SYNRG: variants seen among roughly 807,000 people sequenced by gnomAD.
SYNRG encodes synergin gamma.
SYNRG carries 37 observed loss-of-function variants against 130.9 expected under a neutral mutation model. The observed-to-expected ratio is 0.28, with a 90% CI of 0.22 to 0.37. The LOEUF is 0.37. SYNRG is among the 10% of genes least tolerant of loss of function. SYNRG has a pLI of 1.00. For missense variants in SYNRG, 1,338 were observed against 1,588.9 expected, an observed-to-expected ratio of 0.84 and a Z score of 2.68; for synonymous variants, 539 against 568.1, an observed-to-expected ratio of 0.95 and a Z score of 0.73.
rs149417287 is a variant in SYNRG, at chr17:37,581,856, C to T, written c.589+2792G>A. ...CTCCGCTCACAGCAACCTCTGCCTC[C>T]TGGGTTCAAGAGATTCTCCTGCCTC... On this transcript the variant is annotated intron_variant, in intron 6 of 21. Coordinates refer to ENST00000612223, the MANE Select transcript of SYNRG (RefSeq NM_007247.6). Among the ~76,000 whole-genome samples the T allele has an allele frequency of 2.6e-3, 399 of 151,942 alleles. 2 individuals are homozygous for T. Among genetic ancestry groups the T allele is most frequent in the African/African-American group, 9.3e-3 (386 of 41,442 alleles).
rs753456133 is a variant in SYNRG at position 37,585,338 on chromosome 17, C to T, written c.464G>A (p.Ser155Asn). The change falls in exon 5 of 22, where the codon AGT becomes AAT. Residue 155 changes from serine to asparagine, a missense_variant. Transcript: ENST00000612223. ...TTGAAATACTACCTTGGGTTTCACA[C>T]TGCTCAAAAGTCTGAGCTTTTGCTT... ...EQKQKLRLLS[S>N]VKPKTGEKSR... is the part of the protein sequence containing the mutation. 6 of 1,613,510 alleles carry T rather than the reference C, an allele frequency of 3.7e-6. No homozygotes were observed. Among genetic ancestry groups the T allele is most frequent in the Non-Finnish European group, 5.1e-6 (6 of 1,179,850 alleles).
In SYNRG at chr17:37,520,519, A is replaced by G. The variant is rs748191829; in HGVS notation, c.3777+19T>C. ...TTAGGGAAGCCCTTTGCTGTCTGCA[A>G]GGAGGCTGCGTGACTTACCCGGCTC... On this transcript the variant is annotated intron_variant, in intron 20 of 21. Coordinates refer to ENST00000612223, the MANE Select transcript of SYNRG (RefSeq NM_007247.6). 5.2e-5 allele frequency: 84 copies of G among 1,609,944 alleles called. 1 individual carries two copies. In the South Asian group the frequency reaches 9.2e-4, roughly 18 times the overall value.
chr17:37,601,349 G>GT, intron 1 of SYNRG, among the ~76,000 whole-genome samples: 1 of 152,080 alleles, frequency 6.6e-6, no homozygotes, highest in Admixed American at 6.5e-5. Flanking sequence ...GATTACAGGT[G>GT]TGAGCCACCG....
rs2054445236 is a variant in SYNRG, at chr17:37,516,653, C to T, written c.*2287G>A. 6.7e-6 allele frequency: 1 copy of T among 149,798 alleles called. No homozygotes were observed. The highest frequency in any genetic ancestry group is 2.5e-5 in the African/African-American group (1 of 40,654). The allele number at this position is 149,798 out of a possible 1,614,324, so 9.3% of individuals were successfully genotyped here. A position where few individuals can be genotyped will look rare whatever the true frequency, so the allele number is the denominator to read the frequency against. ...AATGCTTCAGCAATACAAATTCAAA[C>T]TGGGAAACTTTTTTTTTTTTTTTTT... On this transcript the variant is annotated 3_prime_UTR_variant, in exon 22 of 22. Coordinates refer to ENST00000612223, the MANE Select transcript of SYNRG (RefSeq NM_007247.6).
At chr17:37,585,488 T>C (rs1157709210) in intron 4 of SYNRG, 58 bp from the exon 5 acceptor site, 8 of 1,200,148 alleles carry the variant, frequency 6.7e-6, no homozygotes, top group Non-Finnish European at 9.6e-6. Context: ...CTGTGTTTTA[T>C]ATTCAGATTT....
intron 7 of SYNRG, 27 bp from the exon 8 acceptor site, chr17:37,576,445 A>G (rs2060843482): frequency 6.3e-7 from 1 of 1,595,846 alleles, no homozygotes; most frequent in Non-Finnish European, 8.6e-7. Context: ...ATTAATGTAT[A>G]TAGTGGTCCA....
intron 1 of SYNRG, among the ~76,000 whole-genome samples, chr17:37,608,109 A>G (rs1243514045): frequency 3.3e-5 from 5 of 152,174 alleles, no homozygotes; most frequent in Non-Finnish European, 7.4e-5. Context: ...GGAGAGAACA[A>G]AAGAGAAAGC....
At position 37,586,562 on chromosome 17, in the gene SYNRG, G is replaced by T; in HGVS notation, c.241-13C>A. The T allele has an allele frequency of 6.2e-7, 1 of 1,613,256 alleles. No individual in the cohort carries two copies. The highest frequency in any genetic ancestry group is 8.5e-7 in the Non-Finnish European group (1 of 1,179,628). ...TTGGTATTCCTGCCTAGAAGAAACA[G>T]ACAAAGGCTTAAAAAACACAATTTA... On this transcript the variant is annotated splice_polypyrimidine_tract_variant and intron_variant, in intron 3 of 21. Transcript: ENST00000612223.
At chr17:37,563,526 TTTTA>T (rs1256056934) in intron 11 of SYNRG, among the ~76,000 whole-genome samples, 7 of 152,134 alleles carry the variant, frequency 4.6e-5, no homozygotes, top group Admixed American at 4.6e-4. Context: ...CTTTGTGAAC[TTTTA>T]TTTATTTATT....
At chr17:37,605,919 C>T (rs2063709247) in intron 1 of SYNRG, 1 of 985,414 alleles carries the variant, frequency 1.0e-6, no homozygotes, top group Non-Finnish European at 1.2e-6. Context: ...ATAAAGACTT[C>T]CTAATGGATC....
Position 37,584,765 on chromosome 17 carries a change from A to G in SYNRG, c.478-6T>C, listed in dbSNP as rs1305560273. ...TCTCTACTCTTCTCTCCTGTCTAAG[A>G]GACAACAAATATATGCGTATTTCTT... On this transcript the variant is annotated splice_region_variant and splice_polypyrimidine_tract_variant and intron_variant, in intron 5 of 21. Transcript: ENST00000612223. The G allele has an allele frequency of 6.2e-7, 1 of 1,602,298 alleles. No individual in the cohort carries two copies. Among genetic ancestry groups the G allele is most frequent in the Non-Finnish European group, 8.5e-7 (1 of 1,170,044 alleles).
chr17:37,606,655 A>C (rs1164533626), intron 1 of SYNRG, among the ~76,000 whole-genome samples: 1 of 151,886 alleles, frequency 6.6e-6, no homozygotes, highest in African/African-American at 2.4e-5. Context: ...TGATTAAAGA[A>C]AAAAAAAATT....
At chr17:37,585,303 A>C (rs1410644517) in intron 5 of SYNRG, 22 bp downstream of exon 5, 1 of 1,586,612 alleles carries the variant, frequency 6.3e-7, no homozygotes, top group South Asian at 1.1e-5. Flanking sequence ...GTTCTGGGTG[A>C]AGAGAAGTAT....
chr17:37,550,379 C>A (rs1295656714), intron 14 of SYNRG, among the ~76,000 whole-genome samples: 3 of 152,028 alleles, frequency 2.0e-5, no homozygotes, highest in African/African-American at 7.2e-5. Flanking sequence ...AAGTGTTTGA[C>A]GAAACAAAAC....
At position 37,604,964 on chromosome 17, in the gene SYNRG, C is replaced by T. The variant is rs117787219; in HGVS notation, c.77+4315G>A. ...TTATACGAGCTGGGTTTGTGGTGCT[C>T]CAAAACAATTACACTAGTAACATCA... is the stretch of plus-strand genomic sequence containing the variant. On this transcript the variant is annotated intron_variant, in intron 1 of 21. Transcript: ENST00000612223. 2.7e-3 allele frequency among the ~76,000 whole-genome samples: 409 copies of T among 152,110 alleles called. 4 individuals are homozygous for T. The highest frequency in any genetic ancestry group is 4.2e-3 in the Non-Finnish European group (284 of 67,996).
chr17:37,592,613 A>C (rs1036089147), intron 3 of SYNRG, among the ~76,000 whole-genome samples: 5 of 152,256 alleles, frequency 3.3e-5, no homozygotes, highest in African/African-American at 9.6e-5. Context: ...AACTACTGAT[A>C]CATGCAACAA....
At chr17:37,535,096 CTT>C (rs2057064642) in intron 19 of SYNRG, among the ~76,000 whole-genome samples, 1 of 151,936 alleles carries the variant, frequency 6.6e-6, no homozygotes, top group Non-Finnish European at 1.5e-5. Context: ...CGTTTACAAG[CTT>C]ATATATATGT....
chr17:37,603,989 C>A (rs891467261), intron 1 of SYNRG, among the ~76,000 whole-genome samples: 32 of 152,120 alleles, frequency 2.1e-4, no homozygotes, highest in Non-Finnish European at 3.8e-4. Context: ...GCCTGTAATT[C>A]CAGCACTTTG....
chr17:37,518,984 C>T lies in SYNRG; in HGVS notation c.3901G>A (p.Val1301Ile), dbSNP rs1196571281. The part of the protein sequence containing the change: ...ASCANFWINC[V>I]EPKPPGLVLP... ...ACGAGGCCAGGAGGCTTTGGTTCGA[C>T]ACAGTTGATCCAGAAGTTGGCACAG... The change falls in exon 22 of 22, where the codon GTC becomes ATC. Residue 1301 changes from valine (V) to isoleucine (I), a missense_variant. Val to Ile is a conservative substitution (Grantham distance 29). This residue lies in a region of SYNRG where 1,146 missense variants were observed against 1,342.3 expected (regional missense o/e 0.85). Transcript: ENST00000612223. The T allele has an allele frequency of 3.1e-6, 5 of 1,614,160 alleles. No homozygotes were observed. Among genetic ancestry groups the T allele is most frequent in the Non-Finnish European group, 4.2e-6 (5 of 1,180,020 alleles).
Sources: allele counts gnomAD v4.1 joint callset (sites outside exome capture counted in the v4.1 genomes callset), GRCh38; gene constraint gnomAD v4.1.1; regional missense constraint gnomAD v4.1.1; transcripts MANE v1.5; gene names NCBI Gene and HGNC (gene_info 2026-07-23, HGNC 2026-07-21).